Variants in STARD3NL observed in about 807,000 individuals in gnomAD.
The protein encoded by STARD3NL is STARD3 N-terminal like.
STARD3NL carries 17 observed loss-of-function variants against 30.9 expected under a neutral mutation model. The ratio of observed to expected loss-of-function variants is 0.55; its 90% CI spans 0.38 to 0.82. The LOEUF is 0.82. Ranked by LOEUF, STARD3NL falls within the 40% of genes least tolerant of loss-of-function variation. STARD3NL has a pLI of 0.00. For missense variants in STARD3NL, 234 were observed against 277.6 expected, an observed-to-expected ratio of 0.84 and a Z score of 1.12; for synonymous variants, 112 against 100.5, an observed-to-expected ratio of 1.11 and a Z score of -0.69.
At chr7:38,189,024 G>A (rs1784575171) in intron 1 of STARD3NL, among the ~76,000 whole-genome samples, 1 of 152,130 alleles carries the variant, frequency 6.6e-6, no homozygotes, top group Non-Finnish European at 1.5e-5. Context: ...GTTCTGTTAT[G>A]TGCACACAAT....
At chr7:38,216,173 C>T (rs1000356124) in intron 4 of STARD3NL, 3 of 152,100 alleles carry the variant, frequency 2.0e-5, no homozygotes, top group Non-Finnish European at 2.9e-5. Flanking sequence ...TCAGACTATC[C>T]CTCTCAATGT....
At chr7:38,216,835 T>G in intron 4 of STARD3NL, 190 bp from the exon 5 acceptor site, 1 of 603,528 alleles carries the variant, frequency 1.7e-6, no homozygotes. Flanking sequence ...TTGTGTCACA[T>G]GTAGAAGCCC....
chr7:38,221,860 A>G (rs1786483562), intron 7 of STARD3NL, among the ~76,000 whole-genome samples: 2 of 152,136 alleles, frequency 1.3e-5, no homozygotes, highest in Admixed American at 1.3e-4. Context: ...CCCTCCAGCC[A>G]TTGTCCACCT....
chr7:38,211,776 C>T (rs1411613520), intron 2 of STARD3NL, among the ~76,000 whole-genome samples: 1 of 152,148 alleles, frequency 6.6e-6, no homozygotes, highest in African/African-American at 2.4e-5. Flanking sequence ...CACCTGCTTT[C>T]CCCCTTTTTC....
At chr7:38,203,605 C>T (rs1198734623) in intron 1 of STARD3NL, among the ~76,000 whole-genome samples, 2 of 152,118 alleles carry the variant, frequency 1.3e-5, no homozygotes, top group Non-Finnish European at 2.9e-5. Flanking sequence ...ATCATAATGA[C>T]AGGATCAAAT....
At chr7:38,198,437 A>G (rs1383167977) in intron 1 of STARD3NL, 2 of 152,254 alleles carry the variant, frequency 1.3e-5, no homozygotes, top group African/African-American at 4.8e-5. Context: ...TGGGTAAAAA[A>G]TAATTAATTA....
chr7:38,207,776 A>AC, intron 2 of STARD3NL, 47 bp downstream of exon 2: 1 of 1,551,186 alleles, frequency 6.4e-7, no homozygotes. Context: ...GTTTCCAGAG[A>AC]CAACAGGGTT....
intron 2 of STARD3NL, among the ~76,000 whole-genome samples, chr7:38,210,558 C>T (rs953828278): frequency 2.6e-5 from 4 of 152,126 alleles, no homozygotes; most frequent in Non-Finnish European, 5.9e-5. Flanking sequence ...GATCTCTTTT[C>T]GGTCAATCAA....
chr7:38,181,789 T>A (rs1459988456), intron 1 of STARD3NL, among the ~76,000 whole-genome samples: 1 of 152,174 alleles, frequency 6.6e-6, no homozygotes, highest in African/African-American at 2.4e-5. Flanking sequence ...ACCCAGGTCA[T>A]CATGATTTGA....
chr7:38,182,090 A>T (rs1784272352), intron 1 of STARD3NL, among the ~76,000 whole-genome samples: 1 of 152,228 alleles, frequency 6.6e-6, no homozygotes, highest in African/African-American at 2.4e-5. Flanking sequence ...TATTACATAC[A>T]CAGGTGTTAA....
At chr7:38,181,880 A>G (rs1253876204) in intron 1 of STARD3NL, among the ~76,000 whole-genome samples, 2 of 152,090 alleles carry the variant, frequency 1.3e-5, no homozygotes, top group African/African-American at 2.4e-5. Context: ...CAGTGCCATT[A>G]CTAGTTCTGC....
At chr7:38,217,561 G>A (rs1167479626) in intron 6 of STARD3NL, among the ~76,000 whole-genome samples, 1 of 152,144 alleles carries the variant, frequency 6.6e-6, no homozygotes. Context: ...GGTGAAAAGG[G>A]CATTCAAGCA....
intron 1 of STARD3NL, among the ~76,000 whole-genome samples, chr7:38,178,849 G>C (rs1461865305): frequency 2.4e-5 from 3 of 127,626 alleles, no homozygotes; most frequent in Non-Finnish European, 4.9e-5. Context: ...TCTATTCATT[G>C]AGAAAAGTCG....
chr7:38,219,111 A>G (rs938633289), intron 6 of STARD3NL, among the ~76,000 whole-genome samples: 1 of 152,210 alleles, frequency 6.6e-6, no homozygotes, highest in African/African-American at 2.4e-5. Context: ...CAGTGGCACA[A>G]TCATGGCTCA....
At chr7:38,218,715 A>G (rs2116370618) in intron 6 of STARD3NL, among the ~76,000 whole-genome samples, 1 of 152,294 alleles carries the variant, frequency 6.6e-6, no homozygotes, top group South Asian at 2.1e-4. Flanking sequence ...CCTGAGGTTA[A>G]CTCAGCTTTC....
intron 1 of STARD3NL, among the ~76,000 whole-genome samples, chr7:38,197,136 T>TTTTCTTTC (rs56319128): frequency 0.17 from 19,419 of 111,700 alleles, 2,024 homozygotes; most frequent in Non-Finnish European, 0.2. Context: ...GCATTACCTT[T>TTTTCTTTC]TTTCTTTCTT....
chr7:38,189,260 A>G (rs1784586932), intron 1 of STARD3NL, among the ~76,000 whole-genome samples: 1 of 152,230 alleles, frequency 6.6e-6, no homozygotes. Flanking sequence ...TGCCTAGAAA[A>G]TAAAGATTAA....
At chr7:38,220,360 A>G (rs139477554) in intron 7 of STARD3NL, among the ~76,000 whole-genome samples, 158 of 152,382 alleles carry the variant, frequency 1.0e-3, no homozygotes, top group African/African-American at 3.4e-3. Flanking sequence ...CAAATGGCCA[A>G]TAAGCACATA....
intron 4 of STARD3NL, chr7:38,216,640 C>G (rs1488588228): frequency 5.2e-6 from 1 of 192,392 alleles, no homozygotes; most frequent in Non-Finnish European, 1.1e-5. Context: ...AGTGACAAGG[C>G]TCAGGTATTA....
Sources: allele counts gnomAD v4.1 joint callset (sites outside exome capture counted in the v4.1 genomes callset), GRCh38; gene constraint gnomAD v4.1.1; transcripts MANE v1.5; gene names NCBI Gene and HGNC (gene_info 2026-07-23, HGNC 2026-07-21).